The following BICD1 variants were observed in gnomAD, a reference collection of about 807,000 sequenced individuals.
BICD1 encodes the protein protein bicaudal D homolog 1.
BICD1 carries 35 observed loss-of-function variants against 92.5 expected under a neutral mutation model. The observed-to-expected ratio is 0.38, with a 90% CI of 0.29 to 0.50. The LOEUF (loss-of-function observed/expected upper bound fraction) is 0.50, where lower values mean the gene tolerates loss of function less well. BICD1 is among the 20% of genes least tolerant of loss of function. The pLI is 0.93. For synonymous variants in BICD1, 429 were observed against 465.1 expected (o/e 0.92, Z 1.00); for missense variants, 950 against 1,189.8 (o/e 0.80, Z 2.97).
At chr12:32,322,235 A>G (rs1279844093) in intron 4 of BICD1, among the ~76,000 whole-genome samples, 1 of 152,126 alleles carries the variant, frequency 6.6e-6, no homozygotes, top group Non-Finnish European at 1.5e-5. Flanking sequence ...ATATATTTAC[A>G]TATGTGTGTA....
At chr12:32,250,696 T>C (rs1317143010) in intron 2 of BICD1, among the ~76,000 whole-genome samples, 2 of 152,144 alleles carry the variant, frequency 1.3e-5, no homozygotes, top group South Asian at 4.1e-4. Flanking sequence ...AGTGTAAGGA[T>C]GAAGCCAGGC....
intron 1 of BICD1, among the ~76,000 whole-genome samples, chr12:32,181,938 C>T (rs746440447): frequency 4.6e-5 from 7 of 151,922 alleles, no homozygotes; most frequent in Non-Finnish European, 7.4e-5. Context: ...GCCATAAAAC[C>T]GTGGTGTCTG....
At chr12:32,307,644 C>T (rs988031091) in intron 4 of BICD1, among the ~76,000 whole-genome samples, 10 of 152,226 alleles carry the variant, frequency 6.6e-5, no homozygotes, top group Admixed American at 2.0e-4. Flanking sequence ...TCTGCCTCCA[C>T]GGAAATGATG....
intron 4 of BICD1, 99 bp downstream of exon 4, chr12:32,306,221 T>TTTCTTTTTTCTTTTC (rs1948212623): frequency 3.4e-6 from 4 of 1,181,912 alleles, no homozygotes; most frequent in Admixed American, 2.7e-5. Context: ...CTAGATTTCT[T>TTTCTTTTTTCTTTTC]TTCTTTTTTC....
At chr12:32,234,330 G>A (rs1452970357) in intron 2 of BICD1, among the ~76,000 whole-genome samples, 2 of 152,108 alleles carry the variant, frequency 1.3e-5, no homozygotes, top group Non-Finnish European at 2.9e-5. Context: ...GGGCGTGGTG[G>A]CTCACGCCTG....
At chr12:32,223,395 G>A (rs1199455439) in intron 2 of BICD1, among the ~76,000 whole-genome samples, 4 of 152,188 alleles carry the variant, frequency 2.6e-5, no homozygotes, top group South Asian at 2.1e-4. Flanking sequence ...GCGAATGCCC[G>A]TAGTCCCAGC....
chr12:32,298,569 C>CAA (rs56382132), intron 3 of BICD1, among the ~76,000 whole-genome samples: 3 of 77,814 alleles, frequency 3.9e-5, no homozygotes, highest in African/African-American at 5.9e-5. Flanking sequence ...CGATCCACCT[C>CAA]AAAAAAAAAA....
chr12:32,109,997 C>G (rs1205389061), intron 1 of BICD1, among the ~76,000 whole-genome samples: 1 of 152,122 alleles, frequency 6.6e-6, no homozygotes, highest in African/African-American at 2.4e-5. Flanking sequence ...TAAAATAAAT[C>G]TTTGCTTATT....
intron 1 of BICD1, among the ~76,000 whole-genome samples, chr12:32,116,144 T>A (rs1941881597): frequency 6.8e-6 from 1 of 148,068 alleles, no homozygotes; most frequent in African/African-American, 2.5e-5. Context: ...AAAATTAAGG[T>A]GTTGCAATAC....
intron 1 of BICD1, among the ~76,000 whole-genome samples, chr12:32,116,983 T>C (rs979028949): frequency 1.2e-5 from 1 of 83,208 alleles, no homozygotes; most frequent in East Asian, 4.5e-4. Flanking sequence ...TCACCTATTA[T>C]GTTATAGAAC....
intron 2 of BICD1, among the ~76,000 whole-genome samples, chr12:32,235,359 T>C (rs1206394420): frequency 6.6e-6 from 1 of 152,216 alleles, no homozygotes; most frequent in East Asian, 1.9e-4. Context: ...TGAAGAGGAA[T>C]AAAAATCTTG....
chr12:32,132,877 T>C (rs1942601644), intron 1 of BICD1, among the ~76,000 whole-genome samples: 1 of 152,136 alleles, frequency 6.6e-6, no homozygotes, highest in African/African-American at 2.4e-5. Context: ...TTGCAGTAGT[T>C]CAGGTAAGAG....
rs1284613161 is a variant in BICD1, at chr12:32,306,064, A to T, written c.947A>T (p.Asp316Val). Residue 316 changes from aspartate (D) to valine (V), a missense_variant, in exon 4 of 10, where the codon GAC becomes GTC. By Grantham distance (152) the Asp-to-Val change is radical (BLOSUM62 -3). Around this residue, in one of 5 missense-constraint regions of BICD1, gnomAD observed 246 missense variants for 258.4 expected, o/e 0.95. Coordinates refer to ENST00000652176, the MANE Select transcript of BICD1 (RefSeq NM_001714.4). ...RKGESLNPVS[D>V]LFSELNISEI... ...GGAGAGTCTCTGAACCCTGTCTCTG[A>T]CTTATTCAGTGAGCTGAACATTTCA... 6.8e-6 allele frequency: 11 copies of T among 1,613,478 alleles called. No individual in the cohort carries two copies. Among genetic ancestry groups the T allele is most frequent in the African/African-American group, 4.0e-5 (3 of 74,854 alleles).
chr12:32,178,922 G>A (rs1944195866), intron 1 of BICD1, among the ~76,000 whole-genome samples: 2 of 151,986 alleles, frequency 1.3e-5, no homozygotes, highest in South Asian at 4.1e-4. Context: ...AGTTTTGCAT[G>A]AGGCTCTTGC....
At chr12:32,117,733 CACATATAT>C (rs1176886519) in intron 1 of BICD1, among the ~76,000 whole-genome samples, 8 of 127,558 alleles carry the variant, frequency 6.3e-5, no homozygotes, top group African/African-American at 2.2e-4. Context: ...CACACACACA[CACATATAT>C]ATATATATAT....
intron 1 of BICD1, among the ~76,000 whole-genome samples, chr12:32,118,661 T>A (rs1462818476): frequency 6.6e-6 from 1 of 152,178 alleles, no homozygotes. Context: ...CTACACTATT[T>A]TATCTCAGAG....
At chr12:32,365,577 C>T (rs1592724128) in intron 8 of BICD1, among the ~76,000 whole-genome samples, 1 of 152,136 alleles carries the variant, frequency 6.6e-6, no homozygotes, top group South Asian at 2.1e-4. Flanking sequence ...ATTATACCTC[C>T]CTGGCAATGT....
At chr12:32,372,341 A>T (rs1361431254) in intron 9 of BICD1, among the ~76,000 whole-genome samples, 4 of 152,094 alleles carry the variant, frequency 2.6e-5, no homozygotes, top group African/African-American at 7.2e-5. Flanking sequence ...TTAGCCAGGC[A>T]TGGTGGCAGG....
Position 32,342,252 on chromosome 12 carries a change from G to GC in BICD1, c.2764+3273_2764+3274insC, listed in dbSNP as rs202010978. On this transcript the variant is annotated intron_variant, in intron 8 of 9. Transcript: ENST00000652176. Reference sequence around the variant, plus strand: ...TATATATGTATAGTTTTGGGGGTTTGTTTTTTTTTCTTTTTTTTTTGAGAC... The same window carrying GC: ...TATATATGTATAGTTTTGGGGGTTTGCTTTTTTTTTCTTTTTTTTTTGAGAC... Among the ~76,000 whole-genome samples, 996 of 133,724 alleles carry GC rather than the reference G, an allele frequency of 7.4e-3. 3 individuals carry two copies. Among genetic ancestry groups the GC allele is most frequent in the Middle Eastern group, 0.018 (4 of 228 alleles). 87.7% of individuals were successfully genotyped at this position (133,724 alleles called of 152,430 possible).
Sources: allele counts gnomAD v4.1 joint callset (sites outside exome capture counted in the v4.1 genomes callset), GRCh38; gene constraint gnomAD v4.1.1; regional missense constraint gnomAD v4.1.1; transcripts MANE v1.5; gene names NCBI Gene and HGNC (gene_info 2026-07-23, HGNC 2026-07-21).